The following PM20D2 variants were observed in gnomAD, a reference collection of about 807,000 sequenced individuals.
The protein encoded by PM20D2 is xaa-Arg dipeptidase.
PM20D2 carries 33 observed loss-of-function variants against 42.9 expected under a neutral mutation model. The ratio of observed to expected loss-of-function variants is 0.77; its 90% CI spans 0.58 to 1.03. The LOEUF (loss-of-function observed/expected upper bound fraction) is 1.03, where lower values mean the gene tolerates loss of function less well. Among genes scored for constraint, PM20D2 ranks in the 50% least tolerant of loss-of-function variants. The pLI, the probability that PM20D2 is intolerant of heterozygous loss-of-function variation, is 0.00. For synonymous variants in PM20D2, 250 were observed against 228.2 expected, an observed-to-expected ratio of 1.10 and a Z score of -0.86; for missense variants, 548 against 557.0, an observed-to-expected ratio of 0.98 and a Z score of 0.16.
rs997476122 is a variant in PM20D2 at position 89,163,971 on chromosome 6, T to A, written c.*1708T>A. 3.9e-5 allele frequency: 6 copies of A among 152,206 alleles called. No homozygotes were observed. Among genetic ancestry groups the A allele is most frequent in the Non-Finnish European group, 8.8e-5 (6 of 68,034 alleles). 9.4% of individuals were successfully genotyped at this position (152,206 alleles called of 1,614,324 possible). A position where few individuals can be genotyped will look rare whatever the true frequency, so the allele number is the denominator to read the frequency against. On this transcript the variant is annotated 3_prime_UTR_variant, in exon 7 of 7. Transcript: ENST00000275072. ...TAAAAGCAGGCCTTAATATGGGACC[T>A]GCTTTTAAAGTAAAATATGTGGTAC... is the stretch of plus-strand genomic sequence containing the variant.
At chr6:89,137,036 G>A in the PM20D2 span, among the ~76,000 whole-genome samples, 2 of 151,212 alleles carry the variant, frequency 1.3e-5, no homozygotes, top group Non-Finnish European at 2.9e-5. Flanking sequence ...TGATTAAGGT[G>A]ATTCTCTATA....
At chr6:89,099,480 ATGTGTG>A in the PM20D2 span, among the ~76,000 whole-genome samples, 891 of 142,412 alleles carry the variant, frequency 6.3e-3, 14 homozygotes, top group African/African-American at 0.024. Flanking sequence ...GTATATATAT[ATGTGTG>A]TGTATATATA....
the PM20D2 span, chr6:89,096,374 GA>G: frequency 6.6e-6 from 1 of 152,172 alleles, no homozygotes; most frequent in African/African-American, 2.4e-5. Flanking sequence ...GTAATTGCGG[GA>G]TATTTACCTC....
At chr6:89,111,565 T>G in the PM20D2 span, among the ~76,000 whole-genome samples, 4 of 152,338 alleles carry the variant, frequency 2.6e-5, no homozygotes, top group East Asian at 7.7e-4. Flanking sequence ...CCTAGTATTT[T>G]CTATGTAAGC....
In PM20D2 at chr6:89,146,351, G is replaced by C. The variant is rs147027668; in HGVS notation, c.207G>C (p.Glu69Asp). 7 of 1,554,766 alleles carry C rather than the reference G, an allele frequency of 4.5e-6. No individual in the cohort carries two copies. The highest frequency in any genetic ancestry group is 6.0e-6 in the Non-Finnish European group (7 of 1,158,438). The change falls in exon 1 of 7, where the codon GAG (glutamate) becomes GAC (aspartate). Residue 69 changes from glutamate (E) to aspartate (D), a missense_variant. By Grantham distance (45) the Glu-to-Asp change is conservative. Transcript: ENST00000275072. The stretch of plus-strand genomic sequence containing the variant: ...TGCTGACGCACTTCTTCGAGCGGGA[G>C]CCGCCCGCGGCCTCCTGGGCAGTGC... ...HRVLTHFFER[E>D]PPAASWAVQP...
chr6:89,132,072 A>G, the PM20D2 span, among the ~76,000 whole-genome samples: 51 of 152,330 alleles, frequency 3.3e-4, 1 homozygote, highest in African/African-American at 1.2e-3. Flanking sequence ...AGCCTATTGG[A>G]CACCTATGGA....
chr6:89,157,118 A>G (rs1282948486), intron 4 of PM20D2, among the ~76,000 whole-genome samples: 2 of 151,954 alleles, frequency 1.3e-5, no homozygotes, highest in Non-Finnish European at 2.9e-5. Flanking sequence ...TTTTGTAGAG[A>G]TAGGCTCTCC....
At chr6:89,094,409 G>T in the PM20D2 span, among the ~76,000 whole-genome samples, 15 of 151,152 alleles carry the variant, frequency 9.9e-5, 2 homozygotes, top group Admixed American at 4.0e-4. Flanking sequence ...AAGTAGAAAC[G>T]GGATTTCACT....
the PM20D2 span, among the ~76,000 whole-genome samples, chr6:89,125,841 T>C: frequency 6.6e-6 from 1 of 151,148 alleles, no homozygotes; most frequent in Non-Finnish European, 1.5e-5. Flanking sequence ...TTCCCAGCAC[T>C]GTGGGAGGCC....
At chr6:89,104,859 C>G in the PM20D2 span, among the ~76,000 whole-genome samples, 8 of 152,084 alleles carry the variant, frequency 5.3e-5, no homozygotes, top group East Asian at 1.5e-3. Flanking sequence ...TTAAGACCAG[C>G]CTGGGCAACA....
the PM20D2 span, among the ~76,000 whole-genome samples, chr6:89,133,425 G>C: frequency 6.6e-6 from 1 of 150,704 alleles, no homozygotes; most frequent in African/African-American, 2.5e-5. Context: ...ACAATTCCAA[G>C]TGGATTCTAT....
chr6:89,124,058 A>G, the PM20D2 span, among the ~76,000 whole-genome samples: 1 of 152,066 alleles, frequency 6.6e-6, no homozygotes, highest in African/African-American at 2.4e-5. Flanking sequence ...AATAAACAAA[A>G]CCATGTTGGA....
At chr6:89,118,932 C>T in the PM20D2 span, among the ~76,000 whole-genome samples, 1 of 152,234 alleles carries the variant, frequency 6.6e-6, no homozygotes, top group Admixed American at 6.5e-5. Flanking sequence ...TAGTTAGACT[C>T]GTCTTCGCCT....
chr6:89,152,023 A>C (rs1770864073), intron 2 of PM20D2, among the ~76,000 whole-genome samples: 1 of 151,970 alleles, frequency 6.6e-6, no homozygotes, highest in African/African-American at 2.4e-5. Context: ...TGAACTTGGG[A>C]GGTGGTGACT....
chr6:89,096,505 C>T, the PM20D2 span: 9 of 152,104 alleles, frequency 5.9e-5, no homozygotes, highest in African/African-American at 2.2e-4. Context: ...TTTCATCAAA[C>T]CAAATGGTAT....
At chr6:89,134,100 A>G in the PM20D2 span, among the ~76,000 whole-genome samples, 170 of 151,290 alleles carry the variant, frequency 1.1e-3, 14 homozygotes, top group African/African-American at 4.0e-3. Flanking sequence ...GTAGAGTTGC[A>G]GCCTCGGCCC....
chr6:89,096,466 A>G, the PM20D2 span: 1 of 152,242 alleles, frequency 6.6e-6, no homozygotes, highest in Non-Finnish European at 1.5e-5. Context: ...AAATGCTCAA[A>G]AGAGTTTGAG....
the PM20D2 span, chr6:89,117,771 C>T: frequency 8.0e-6 from 12 of 1,503,762 alleles, no homozygotes; most frequent in East Asian, 1.5e-4. Context: ...CGCGGCGCGG[C>T]TGTTACCCCG....
chr6:89,150,142 C>G (rs557114559), intron 2 of PM20D2, among the ~76,000 whole-genome samples: 1 of 152,174 alleles, frequency 6.6e-6, no homozygotes, highest in Non-Finnish European at 1.5e-5. Context: ...GGAATGATAG[C>G]AGAACCATCA....
Sources: allele counts gnomAD v4.1 joint callset (sites outside exome capture counted in the v4.1 genomes callset), GRCh38; gene constraint gnomAD v4.1.1; transcripts MANE v1.5; gene names NCBI Gene and HGNC (gene_info 2026-07-23, HGNC 2026-07-21).